Variants in SELENON observed in about 807,000 individuals in gnomAD.
SELENON encodes the protein selenoprotein N.
A neutral mutation model predicts 59.5 loss-of-function variants in SELENON; 44 were observed. The observed-to-expected ratio is 0.74, with a 90% confidence interval of 0.58 to 0.95. The LOEUF (loss-of-function observed/expected upper bound fraction) is 0.95, where lower values mean the gene tolerates loss of function less well. Among genes scored for constraint, SELENON ranks in the 40% least tolerant of loss-of-function variants. SELENON has a pLI of 0.00. For synonymous variants in SELENON, 320 were observed against 305.6 expected (o/e 1.05, Z -0.49); for missense variants, 674 against 721.4 (o/e 0.93, Z 0.75).
rs758590388 is a variant in SELENON at position 25,815,692 on chromosome 1, C to T, written c.1747C>T (p.Arg583Cys). ...GCAGTTCCTGAAGGAGGGACTCCGG[C>T]GTGGCCTGCCCCTCCTCCAGCCCTA... The change falls in exon 13 of 13, where the codon CGT becomes TGT. Residue 583 changes from arginine (R) to cysteine (C), a missense_variant. Coordinates refer to ENST00000361547, the MANE Select transcript of SELENON (RefSeq NM_020451.3). The T allele has an allele frequency of 3.7e-6, 6 of 1,614,112 alleles. No homozygotes were observed. The highest frequency in any genetic ancestry group is 1.7e-5 in the Admixed American group (1 of 60,024).
chr1:25,804,694 C>T (rs1397643008), intron 3 of SELENON, among the ~76,000 whole-genome samples: 6 of 134,874 alleles, frequency 4.4e-5, no homozygotes, highest in African/African-American at 1.6e-4. Flanking sequence ...AAGTGGGTCT[C>T]CTCACTCTCA....
intron 6 of SELENON, 106 bp downstream of exon 5, chr1:25,809,256 C>T: frequency 6.5e-7 from 1 of 1,532,746 alleles, no homozygotes; most frequent in Non-Finnish European, 8.9e-7. Flanking sequence ...TCTCCTCCCA[C>T]TGCCGTCTTG....
chr1:25,812,556 TACACACAAACACACACACACAC>T lies in SELENON; in HGVS notation c.1282-123_1282-102del, dbSNP rs1470720382. The stretch of plus-strand genomic sequence containing the variant: ...AGACATACACACAAATATATATGCC[TACACACAAACACACACACACAC>T]ACACACACACACACACACACACACA... On this transcript the variant is annotated intron_variant, in intron 9 of 12. Coordinates refer to ENST00000361547, the MANE Select transcript of SELENON (RefSeq NM_020451.3). The T allele has an allele frequency of 5.1e-3, 2,699 of 527,944 alleles. 50 individuals carry two copies. The African/African-American group carries it at 0.06, about 12-fold the overall frequency. 32.7% of individuals were successfully genotyped at this position (527,944 alleles called of 1,614,324 possible). A position where few individuals can be genotyped will look rare whatever the true frequency, so the allele number is the denominator to read the frequency against.
At chr1:25,814,353 T>C (rs2047992723) in intron 12 of SELENON, among the ~76,000 whole-genome samples, 175 bp downstream of exon 11, 1 of 152,188 alleles carries the variant, frequency 6.6e-6, no homozygotes, top group South Asian at 2.1e-4. Context: ...TGTCCCCGTG[T>C]AGAAACAGGA....
Position 25,801,101 on chromosome 1 carries a change from C to G in SELENON, c.242C>G (p.Thr81Ser), listed in dbSNP as rs543137946. The change falls in exon 2 of 13, where the codon ACT becomes AGT. Residue 81 changes from threonine to serine, a missense_variant. By Grantham distance (58) the Thr-to-Ser change is moderately conservative. Coordinates refer to ENST00000361547, the MANE Select transcript of SELENON (RefSeq NM_020451.3). ...CTTTTTCTCTTTTCCTCCTTGGACA[C>G]TGACGGGGATATGTACATCAGCCCT... The G allele has an allele frequency of 8.1e-6, 13 of 1,614,202 alleles. No individual in the cohort carries two copies. Among genetic ancestry groups the G allele is most frequent in the African/African-American group, 1.3e-5 (1 of 75,060 alleles).
chr1:25,805,142 G>A lies in SELENON; in HGVS notation c.404G>A (p.Arg135Lys). 1.2e-6 allele frequency: 2 copies of A among 1,613,240 alleles called. No individual in the cohort carries two copies. Among genetic ancestry groups the A allele is most frequent in the Non-Finnish European group, 8.5e-7 (1 of 1,179,968 alleles). ...CCTCTCCGATGTCTGTGTCTCATAG[G>A]GTCAACTCCCGCGGCCAGCTGCGAG... The change falls in exon 4 of 13, where the codon AGG (arginine) becomes AAG (lysine). Residue 135 changes from arginine to lysine, a missense_variant and splice_region_variant. By Grantham distance (26) the Arg-to-Lys change is conservative. Transcript: ENST00000361547.
At chr1:25,812,592 CACACACACACACACTT>C (rs2047974421) in intron 9 of SELENON, 79 bp from the exon 9 acceptor site, 1 of 801,366 alleles carries the variant, frequency 1.2e-6, no homozygotes, top group African/African-American at 1.7e-5. Context: ...CACACACACA[CACACACACACACACTT>C]GCACACACTA....
intron 4 of SELENON, among the ~76,000 whole-genome samples, chr1:25,806,702 A>G (rs1415156464): frequency 1.3e-5 from 2 of 151,610 alleles, no homozygotes; most frequent in African/African-American, 2.4e-5. Context: ...GCAGTGCCCA[A>G]CTCTAGAGCC....
At chr1:25,804,071 A>C (rs896733114) in intron 3 of SELENON, among the ~76,000 whole-genome samples, 3 of 152,190 alleles carry the variant, frequency 2.0e-5, no homozygotes, top group Non-Finnish European at 2.9e-5. Flanking sequence ...ATAACCCTGC[A>C]TATTCCTGTT....
intron 7 of SELENON, among the ~76,000 whole-genome samples, chr1:25,810,800 G>A (rs898140601): frequency 6.6e-6 from 1 of 152,222 alleles, no homozygotes; most frequent in Non-Finnish European, 1.5e-5. Context: ...TGCTCACCTA[G>A]GGCTGGGCAC....
In SELENON at chr1:25,813,916, AG is replaced by A; in HGVS notation, c.1424del (p.Ser475IlefsTer?). ...GACTCTCCGGGAGACTGTCCTGGAA[AG>A]TTCGCCCATCCTCACCCTGCTCAAC... On this transcript the variant is annotated frameshift_variant, in exon 11 of 13. Transcript: ENST00000361547. LOFTEE classifies it high-confidence loss of function. 1 of 1,614,112 alleles carries A rather than the reference AG, an allele frequency of 6.2e-7. No individual in the cohort carries two copies. Among genetic ancestry groups the A allele is most frequent in the Non-Finnish European group, 8.5e-7 (1 of 1,180,020 alleles).
In SELENON at chr1:25,815,742, A is replaced by G. The variant is rs1409065486; in HGVS notation, c.*24A>G. On this transcript the variant is annotated 3_prime_UTR_variant, in exon 13 of 13. Transcript: ENST00000361547. The stretch of plus-strand genomic sequence containing the variant: ...AGAGTGCCTGGACGGGATCTGATGC[A>G]CAGGCCCCCACGCCTCAGAGCCAGA... The G allele has an allele frequency of 1.9e-6, 3 of 1,611,346 alleles. No individual in the cohort carries two copies. The highest frequency in any genetic ancestry group is 2.7e-5 in the African/African-American group (2 of 74,900).
rs188517865 is a variant in SELENON at position 25,808,438 on chromosome 1, A to G, written c.538-142A>G. The stretch of plus-strand genomic sequence containing the variant: ...ATATTGCTAAGCTTGTGGCCATCAT[A>G]AGGGCAGGAACCTCCCTGGGGTCCA... On this transcript the variant is annotated intron_variant, in intron 4 of 12. Transcript: ENST00000361547. The G allele has an allele frequency of 3.3e-6, 3 of 901,422 alleles. No individual in the cohort carries two copies. The Admixed American group carries it at 5.9e-5, about 18-fold the overall frequency. The allele number at this position is 901,422 out of a possible 1,614,324, so 55.8% of individuals were successfully genotyped here. A position where few individuals can be genotyped will look rare whatever the true frequency, so the allele number is the denominator to read the frequency against.
At chr1:25,805,088 G>A in intron 3 of SELENON, 54 bp from the exon 3 acceptor site, 1 of 1,609,580 alleles carries the variant, frequency 6.2e-7, no homozygotes, top group Non-Finnish European at 8.5e-7. Context: ...TGATGAGGGA[G>A]AGGTGAGCCC....
In SELENON at chr1:25,800,248, G is replaced by A. The variant is rs1572226803; in HGVS notation, c.18G>A (p.Pro6=). 3 of 883,426 alleles carry A rather than the reference G, an allele frequency of 3.4e-6. No homozygotes were observed. Among genetic ancestry groups the A allele is most frequent in the South Asian group, 1.0e-4 (2 of 19,950 alleles). The allele number at this position is 883,426 out of a possible 1,614,324, so 54.7% of individuals were successfully genotyped here. ...CCGCAGCCATGGGCCGGGCCCGGCC[G>A]GGCCAACGCGGGCCGCCCAGCCCCG... Residue 6 remains proline, a synonymous_variant, in exon 1 of 13, where the codon CCG becomes CCA. Coordinates refer to ENST00000361547, the MANE Select transcript of SELENON (RefSeq NM_020451.3).
intron 7 of SELENON, among the ~76,000 whole-genome samples, chr1:25,810,972 G>C (rs2047954298): frequency 6.6e-6 from 1 of 152,348 alleles, no homozygotes; most frequent in East Asian, 1.9e-4. Flanking sequence ...TCTGCCCTCT[G>C]TGCCCCCTGC....
chr1:25,807,531 A>G lies in SELENON; in HGVS notation c.538-1049A>G, dbSNP rs2047918259. Among the ~76,000 whole-genome samples the G allele has an allele frequency of 6.6e-6, 1 of 152,180 alleles. No individual in the cohort carries two copies. Among genetic ancestry groups the G allele is most frequent in the Non-Finnish European group, 1.5e-5 (1 of 68,024 alleles). ...ACAACAAGAACTGGGGTGAGGCAGG[A>G]GCAGCACCCCTAGCCCTGGCCCCCG... is the stretch of plus-strand genomic sequence containing the variant. On this transcript the variant is annotated intron_variant, in intron 4 of 12. Coordinates refer to ENST00000361547, the MANE Select transcript of SELENON (RefSeq NM_020451.3). The surrounding 1 kb of genome is among the most constrained non-coding windows in gnomAD (Gnocchi z 4.5).
At chr1:25,805,656 A>C (rs1050558461) in intron 4 of SELENON, among the ~76,000 whole-genome samples, 2 of 148,222 alleles carry the variant, frequency 1.3e-5, no homozygotes, top group African/African-American at 5.3e-5. Context: ...CCCACACACT[A>C]TGATGATTAC....
chr1:25,816,573 C>T lies in SELENON; in HGVS notation c.*855C>T, dbSNP rs367601736. On this transcript the variant is annotated 3_prime_UTR_variant, in exon 13 of 13. Transcript: ENST00000361547. ...ACCCAGCCAAACACCACAGCCTTCTCCAGAGCCGGCACTGTCCCGGCAACC... is the reference window on the plus strand; with the variant it reads ...ACCCAGCCAAACACCACAGCCTTCTTCAGAGCCGGCACTGTCCCGGCAACC... The T allele has an allele frequency of 4.2e-3, 649 of 152,862 alleles. 12 individuals are homozygous for T. The South Asian group carries it at 0.064, about 15-fold the overall frequency. The allele number at this position is 152,862 out of a possible 1,614,324, so 9.5% of individuals were successfully genotyped here.
Sources: allele counts gnomAD v4.1 joint callset (sites outside exome capture counted in the v4.1 genomes callset), GRCh38; gene constraint gnomAD v4.1.1; non-coding constraint Gnocchi (gnomAD v3.1); transcripts MANE v1.5; gene names NCBI Gene and HGNC (gene_info 2026-07-23, HGNC 2026-07-21).